The following SCAF11 variants were observed in gnomAD, a reference collection of about 807,000 sequenced individuals.
The protein encoded by SCAF11 is protein SCAF11.
SCAF11 carries 47 observed loss-of-function variants against 140.5 expected under a neutral mutation model. That is an observed-to-expected ratio of 0.33 (90% confidence interval 0.26 to 0.43). SCAF11 has a LOEUF of 0.43. Among genes scored for constraint, SCAF11 ranks in the 20% least tolerant of loss-of-function variants. The pLI, the probability that SCAF11 is intolerant of heterozygous loss-of-function variation, is 1.00. For synonymous variants in SCAF11, 557 were observed against 579.4 expected (o/e 0.96, Z 0.55); for missense variants, 1,645 against 1,705.1 (o/e 0.96, Z 0.62).
intron 1 of SCAF11, among the ~76,000 whole-genome samples, chr12:45,973,166 T>A (rs896401913): frequency 2.8e-5 from 4 of 143,180 alleles, no homozygotes; most frequent in African/African-American, 1.0e-4. Context: ...AAAACGGAAA[T>A]AAAAATACAC....
chr12:45,954,737 T>TA (rs1945641727), intron 3 of SCAF11: 1 of 147,764 alleles, frequency 6.8e-6, no homozygotes, highest in African/African-American at 2.5e-5. Context: ...GCCTAGCTTT[T>TA]TTTTTTTTTT....
chr12:45,952,647 TTC>T (rs1945579439), intron 3 of SCAF11, among the ~76,000 whole-genome samples: 1 of 152,212 alleles, frequency 6.6e-6, no homozygotes, highest in South Asian at 2.1e-4. Flanking sequence ...CTCTAAGAGT[TTC>T]TCTGATAAAA....
intron 1 of SCAF11, chr12:45,974,840 A>G (rs1946196573): frequency 6.5e-6 from 1 of 153,010 alleles, no homozygotes; most frequent in Non-Finnish European, 1.5e-5. Context: ...AATCCTTTCC[A>G]TTACTTTGCC....
intron 1 of SCAF11, among the ~76,000 whole-genome samples, chr12:45,971,491 T>G (rs1946071300): frequency 6.6e-6 from 1 of 152,210 alleles, no homozygotes; most frequent in East Asian, 1.9e-4. Flanking sequence ...TGATGCATCA[T>G]CAAACTGTCA....
intron 3 of SCAF11, among the ~76,000 whole-genome samples, chr12:45,958,746 A>G (rs1322986437): frequency 6.6e-6 from 1 of 152,186 alleles, no homozygotes; most frequent in Non-Finnish European, 1.5e-5. Flanking sequence ...ACCCTGAAAC[A>G]TTTTGCCCTA....
chr12:45,938,463 T>C (rs1401723590), intron 6 of SCAF11, among the ~76,000 whole-genome samples: 2 of 151,952 alleles, frequency 1.3e-5, no homozygotes, highest in Non-Finnish European at 2.9e-5. Flanking sequence ...TACTCCAGCC[T>C]GGGTGACAAG....
Position 45,927,274 on chromosome 12 carries a change from T to C in SCAF11, c.2427A>G (p.Gln809=). ...ATGGAGACTGGGGCCGCTTCTTTTCTTGTGGAGTGTCTTTGTTGGGTGACC... is the reference window on the plus strand; with the variant it reads ...ATGGAGACTGGGGCCGCTTCTTTTCCTGTGGAGTGTCTTTGTTGGGTGACC... The part of the protein sequence containing the change: ...TTWSPNKDTP[Q]EKKRPQSPSP... Residue 809 remains glutamine (Q), a synonymous_variant, in exon 11 of 15, where the codon CAA becomes CAG. Transcript: ENST00000369367. The C allele has an allele frequency of 6.2e-7, 1 of 1,613,892 alleles. No homozygotes were observed. Among genetic ancestry groups the C allele is most frequent in the Non-Finnish European group, 8.5e-7 (1 of 1,179,972 alleles).
chr12:45,924,820 C>T lies in SCAF11; in HGVS notation c.3814G>A (p.Val1272Ile). The T allele has an allele frequency of 6.2e-7, 1 of 1,613,906 alleles. No individual in the cohort carries two copies. The highest frequency in any genetic ancestry group is 8.5e-7 in the Non-Finnish European group (1 of 1,179,962). The change falls in exon 12 of 15, where the codon GTA becomes ATA. Residue 1272 changes from valine (V) to isoleucine (I), a missense_variant. Around this residue, in one of 2 missense-constraint regions of SCAF11, gnomAD observed 1,582 missense variants for 1,609.2 expected, o/e 0.98. Coordinates refer to ENST00000369367, the MANE Select transcript of SCAF11 (RefSeq NM_004719.3). Reference sequence around the variant, plus strand: ...GGTGGTGGTGGTAGTCCCTGAGATACACTGGTAGGAGTGGCTACCTGCATG... The same window carrying T: ...GGTGGTGGTGGTAGTCCCTGAGATATACTGGTAGGAGTGGCTACCTGCATG... Reference protein sequence around the residue: ...PLMQVATPTSVSQGLPPPPPP... With the variant: ...PLMQVATPTSISQGLPPPPPP...
intron 6 of SCAF11, among the ~76,000 whole-genome samples, chr12:45,944,781 A>C (rs573977377): frequency 1.3e-3 from 54 of 40,564 alleles, no homozygotes; most frequent in African/African-American, 1.7e-3. Context: ...AATATGTTAG[A>C]GGTGCTTTTA....
chr12:45,957,277 C>A (rs1304981314), intron 3 of SCAF11, among the ~76,000 whole-genome samples: 1 of 152,026 alleles, frequency 6.6e-6, no homozygotes, highest in African/African-American at 2.4e-5. Context: ...TAAAGCTTTA[C>A]TGAATTATAT....
chr12:45,990,463 GGT>G lies in SCAF11; in HGVS notation c.-134_-133del. The G allele has an allele frequency of 8.1e-7, 1 of 1,231,776 alleles. No individual in the cohort carries two copies. Among genetic ancestry groups the G allele is most frequent in the Non-Finnish European group, 1.0e-6 (1 of 988,016 alleles). The allele number at this position is 1,231,776 out of a possible 1,614,324, so 76.3% of individuals were successfully genotyped here. A position where few individuals can be genotyped will look rare whatever the true frequency, so the allele number is the denominator to read the frequency against. ...ACATGGACTCCTTCGTCCGCTTTGTGGTGTTACAGGGTCTCTAGGACACTGAC... is the reference window on the plus strand; with the variant it reads ...ACATGGACTCCTTCGTCCGCTTTGTGGTTACAGGGTCTCTAGGACACTGAC... On this transcript the variant is annotated 5_prime_UTR_variant, in exon 1 of 15. Transcript: ENST00000369367.
chr12:45,922,028 C>A lies in SCAF11; in HGVS notation c.*20G>T, dbSNP rs375184453. 5.8e-5 allele frequency: 93 copies of A among 1,603,832 alleles called. No individual in the cohort carries two copies. The Middle Eastern group carries it at 1.0e-3, about 17-fold the overall frequency. On this transcript the variant is annotated 3_prime_UTR_variant, in exon 15 of 15. Coordinates refer to ENST00000369367, the MANE Select transcript of SCAF11 (RefSeq NM_004719.3). ...CACTTTGCAGATATCCTGATAATGT[C>A]CTTGACAGCGTTCCCCATTTCAGCC...
chr12:45,989,631 C>T (rs1191704044), intron 1 of SCAF11, among the ~76,000 whole-genome samples: 1 of 152,162 alleles, frequency 6.6e-6, no homozygotes, highest in Non-Finnish European at 1.5e-5. Flanking sequence ...GTTCAAAATT[C>T]CTAGGTCTCA....
chr12:45,930,211 T>TA, intron 10 of SCAF11, among the ~76,000 whole-genome samples: 1 of 152,346 alleles, frequency 6.6e-6, no homozygotes, highest in African/African-American at 2.4e-5. Flanking sequence ...ATCAAGGAAT[T>TA]AAACTTCTTC....
In SCAF11 at chr12:45,948,503, T is replaced by A; in HGVS notation, c.332A>T (p.Asp111Val). The A allele has an allele frequency of 6.2e-7, 1 of 1,611,650 alleles. No individual in the cohort carries two copies. The highest frequency in any genetic ancestry group is 8.5e-7 in the Non-Finnish European group (1 of 1,179,078). The change falls in exon 5 of 15, where the codon GAC (aspartate) becomes GTC (valine). Residue 111 changes from aspartate to valine, a missense_variant. Asp to Val is a radical substitution (Grantham distance 152, BLOSUM62 -3). Around this residue, in one of 2 missense-constraint regions of SCAF11, gnomAD observed 1,582 missense variants for 1,609.2 expected, o/e 0.98. Transcript: ENST00000369367. ...CTCAAATGAGTTTTCATTTTTCTTG[T>A]CTTTTGTTTCTCTCAGCTGTTTTTT... is the stretch of plus-strand genomic sequence containing the variant. ...QVKKQLRETK[D>V]KKNENSFEKQ... is the part of the protein sequence containing the mutation.
intron 3 of SCAF11, among the ~76,000 whole-genome samples, chr12:45,959,469 A>G (rs970348720): frequency 2.0e-5 from 3 of 152,216 alleles, no homozygotes; most frequent in Non-Finnish European, 4.4e-5. Context: ...CCTAGGCATA[A>G]GGCATGGCCT....
intron 3 of SCAF11, chr12:45,960,723 CAG>C (rs1403162277): frequency 2.6e-5 from 4 of 151,958 alleles, no homozygotes; most frequent in Non-Finnish European, 4.4e-5. Context: ...AGAACTCAGC[CAG>C]AGTCACTATA....
chr12:45,933,105 C>A, intron 9 of SCAF11, 26 bp downstream of exon 9: 1 of 1,471,600 alleles, frequency 6.8e-7, no homozygotes, highest in Non-Finnish European at 9.4e-7. Flanking sequence ...ATGTAAACAC[C>A]TGAGTAAATA....
At chr12:45,940,879 C>T (rs553742896) in intron 6 of SCAF11, among the ~76,000 whole-genome samples, 1 of 152,262 alleles carries the variant, frequency 6.6e-6, no homozygotes, top group South Asian at 2.1e-4. Flanking sequence ...CATGACTCAC[C>T]TGCAGCCTCA....
Sources: gnomAD v4.1 joint callset for allele counts (sites outside exome capture counted in the v4.1 genomes callset) on GRCh38, gnomAD v4.1.1 for gene constraint, gnomAD v4.1.1 regional missense constraint, MANE v1.5 for transcripts, NCBI Gene and HGNC (gene_info 2026-07-23, HGNC 2026-07-21) for gene names.